PTBP3: variants seen among roughly 807,000 people sequenced by gnomAD.
PTBP3 encodes polypyrimidine tract binding protein 3, also known as polypyrimidine tract-binding protein 3.
A neutral mutation model predicts 58.7 loss-of-function variants in PTBP3; 20 were observed. The ratio of observed to expected loss-of-function variants is 0.34; its 90% CI spans 0.24 to 0.50. PTBP3 has a LOEUF of 0.50. Ranked by LOEUF, PTBP3 falls within the 20% of genes least tolerant of loss-of-function variation. The probability of loss-of-function intolerance (pLI) is 0.98; values close to 1 mark genes in which losing one functional copy is unlikely to be tolerated. For synonymous variants in PTBP3, 185 were observed against 219.8 expected (o/e 0.84, Z 1.40); for missense variants, 509 against 637.2 (o/e 0.80, Z 2.17).
At chr9:112,245,318 CA>C (rs1162725413) in intron 7 of PTBP3, among the ~76,000 whole-genome samples, 2 of 152,072 alleles carry the variant, frequency 1.3e-5, no homozygotes, top group East Asian at 3.9e-4. Context: ...AAAACACAAA[CA>C]AACAAAAACT....
chr9:112,268,322 A>C (rs1827201380), intron 3 of PTBP3, 127 bp from the exon 4 acceptor site: 3 of 895,458 alleles, frequency 3.4e-6, no homozygotes, highest in Non-Finnish European at 3.1e-6. Context: ...CCCCAAGGGG[A>C]GGGAAAAACA....
chr9:112,262,640 C>A, intron 4 of PTBP3, 41 bp from the exon 5 acceptor site: 2 of 1,501,344 alleles, frequency 1.3e-6, no homozygotes, highest in South Asian at 1.3e-5. Context: ...ATTATACAGA[C>A]GCATTATATG....
intron 1 of PTBP3, among the ~76,000 whole-genome samples, chr9:112,309,958 A>G (rs977554207): frequency 1.3e-5 from 2 of 152,180 alleles, no homozygotes; most frequent in Non-Finnish European, 2.9e-5. Context: ...GTAACTATAA[A>G]CACATCTAAA....
At chr9:112,278,470 C>T (rs139337408) in intron 2 of PTBP3, among the ~76,000 whole-genome samples, 11 of 152,292 alleles carry the variant, frequency 7.2e-5, no homozygotes, top group African/African-American at 2.6e-4. Flanking sequence ...AAGCTCCTAT[C>T]AGTTTACCCA....
intron 2 of PTBP3, among the ~76,000 whole-genome samples, chr9:112,294,921 G>A (rs1050737909): frequency 3.3e-5 from 5 of 152,124 alleles, no homozygotes; most frequent in African/African-American, 1.2e-4. Flanking sequence ...ATTAAGTTTA[G>A]CTGTATATAA....
chr9:112,263,267 C>T (rs1475803778), intron 4 of PTBP3, among the ~76,000 whole-genome samples: 1 of 152,166 alleles, frequency 6.6e-6, no homozygotes. Context: ...AACCTTTAGT[C>T]CATACCGATA....
intron 2 of PTBP3, among the ~76,000 whole-genome samples, chr9:112,286,348 T>C (rs1184639651): frequency 1.3e-5 from 2 of 152,212 alleles, no homozygotes; most frequent in Non-Finnish European, 2.9e-5. Flanking sequence ...ATTTTTTTTC[T>C]ATTTGTCCCA....
intron 2 of PTBP3, among the ~76,000 whole-genome samples, chr9:112,277,479 C>T (rs796638784): frequency 6.6e-6 from 1 of 152,198 alleles, no homozygotes; most frequent in African/African-American, 2.4e-5. Flanking sequence ...TGATCTTGCC[C>T]CCACTTCAGC....
At chr9:112,240,979 A>G (rs948335307) in intron 7 of PTBP3, among the ~76,000 whole-genome samples, 3 of 152,222 alleles carry the variant, frequency 2.0e-5, no homozygotes, top group African/African-American at 7.2e-5. Context: ...TTTTCTACAC[A>G]ATGTGCTTGT....
chr9:112,222,078 C>T lies in PTBP3; in HGVS notation c.*1773G>A. On this transcript the variant is annotated 3_prime_UTR_variant, in exon 14 of 14. Transcript: ENST00000374257. ...GCCTGTAGCTGGGACTACAGGCGCA[C>T]AGGCGCACACCACCATGCCCAGCAA... The T allele has an allele frequency of 2.0e-6, 2 of 981,794 alleles. No individual in the cohort carries two copies. Among genetic ancestry groups the T allele is most frequent in the Non-Finnish European group, 1.2e-6 (1 of 826,266 alleles). The allele number at this position is 981,794 out of a possible 1,614,324, so 60.8% of individuals were successfully genotyped here. A position where few individuals can be genotyped will look rare whatever the true frequency, so the allele number is the denominator to read the frequency against.
the PTBP3 span, among the ~76,000 whole-genome samples, chr9:112,361,421 C>A: frequency 6.6e-6 from 1 of 151,974 alleles, no homozygotes; most frequent in African/African-American, 2.4e-5. Context: ...ACTTTAGAAG[C>A]CACAAAACAA....
At chr9:112,313,846 A>G (rs752482230) in intron 1 of PTBP3, among the ~76,000 whole-genome samples, 6 of 152,224 alleles carry the variant, frequency 3.9e-5, no homozygotes, top group Non-Finnish European at 8.8e-5. Context: ...AAAGAAAAGG[A>G]AAAGGAATAG....
chr9:112,231,309 T>C, intron 10 of PTBP3, 71 bp downstream of exon 10: 1 of 1,263,104 alleles, frequency 7.9e-7, no homozygotes, highest in Non-Finnish European at 1.1e-6. Context: ...AATCAATACA[T>C]ATTACTAAAA....
chr9:112,340,108 G>A, the PTBP3 span, among the ~76,000 whole-genome samples: 1 of 152,084 alleles, frequency 6.6e-6, no homozygotes, highest in East Asian at 1.9e-4. Context: ...GAAACTGTAG[G>A]CATGTTCCAC....
At position 112,221,547 on chromosome 9, in the gene PTBP3, G is replaced by A; in HGVS notation, c.*2304C>T. ...ATTATAATAGTGCCTGTGTGGAAGG[G>A]AAAAAAAAGCAAGTTTTGGGAGATT... On this transcript the variant is annotated 3_prime_UTR_variant, in exon 14 of 14. Transcript: ENST00000374257. 1.0e-5 allele frequency: 10 copies of A among 985,074 alleles called. No homozygotes were observed. The highest frequency in any genetic ancestry group is 1.2e-5 in the Non-Finnish European group (10 of 829,736). 61.0% of individuals were successfully genotyped at this position (985,074 alleles called of 1,614,324 possible).
chr9:112,297,987 T>G, intron 1 of PTBP3, 71 bp from the exon 2 acceptor site: 1 of 1,204,494 alleles, frequency 8.3e-7, no homozygotes, highest in Non-Finnish European at 1.2e-6. Context: ...CTAAAAGTAT[T>G]AAAAGCTAAT....
chr9:112,333,111 G>C, intron 1 of PTBP3: 2 of 1,261,190 alleles, frequency 1.6e-6, no homozygotes, highest in Non-Finnish European at 2.0e-6. Context: ...ACCATTTTCT[G>C]AGAGGAAGTG....
Position 112,227,562 on chromosome 9 carries a change from G to T in PTBP3, c.1213C>A (p.Gln405Lys). 1 of 1,613,952 alleles carries T rather than the reference G, an allele frequency of 6.2e-7. No individual in the cohort carries two copies. The highest frequency in any genetic ancestry group is 8.5e-7 in the Non-Finnish European group (1 of 1,179,940). The change falls in exon 12 of 14, where the codon CAA (glutamine) becomes AAA (lysine). Residue 405 changes from glutamine to lysine, a missense_variant. Transcript: ENST00000374257. ...KVLRATLSKH[Q>K]AVQLPREGQE... ...CCCTCTCGAGGAAGCTGTACTGCTT[G>T]ATGTTTGGACAGTGTAGCACGAAGC...
chr9:112,237,687 T>C (rs1589807509), intron 7 of PTBP3, among the ~76,000 whole-genome samples: 2 of 152,308 alleles, frequency 1.3e-5, no homozygotes, highest in East Asian at 3.9e-4. Flanking sequence ...GATCAGCTCA[T>C]GGGGTAGCAG....
Sources: allele counts gnomAD v4.1 joint callset (sites outside exome capture counted in the v4.1 genomes callset), GRCh38; gene constraint gnomAD v4.1.1; transcripts MANE v1.5; gene names NCBI Gene and HGNC (gene_info 2026-07-23, HGNC 2026-07-21).